B4GALNT2: variants seen among roughly 807,000 people sequenced by gnomAD.
The protein encoded by B4GALNT2 is beta-1,4-N-acetyl-galactosaminyltransferase 2 (SID blood group).
A neutral mutation model predicts 51.1 loss-of-function variants in B4GALNT2; 42 were observed. The ratio of observed to expected loss-of-function variants is 0.82; its 90% CI spans 0.64 to 1.06. The LOEUF (loss-of-function observed/expected upper bound fraction) is 1.06. Ranked by LOEUF, B4GALNT2 falls within the 50% of genes least tolerant of loss-of-function variation. B4GALNT2 has a pLI of 0.00. For missense variants in B4GALNT2, 602 were observed against 633.6 expected (o/e 0.95, Z 0.54); for synonymous variants, 253 against 251.7 (o/e 1.01, Z -0.05).
chr17:49,169,499 C>T, intron 10 of B4GALNT2, 24 bp from the exon 11 acceptor site: 1 of 1,603,268 alleles, frequency 6.2e-7, no homozygotes, highest in Non-Finnish European at 8.5e-7. Flanking sequence ...CTCCCACTTC[C>T]TTCTGCTCTC....
chr17:49,141,144 C>A (rs754876164), intron 1 of B4GALNT2, 103 bp from the exon 2 acceptor site: 197 of 1,096,536 alleles, frequency 1.8e-4, no homozygotes, highest in Non-Finnish European at 2.5e-4. Context: ...CCAATATAAG[C>A]TATGTGCTTA....
intron 9 of B4GALNT2, among the ~76,000 whole-genome samples, chr17:49,168,326 G>A (rs951694456): frequency 2.0e-5 from 3 of 152,120 alleles, no homozygotes; most frequent in Admixed American, 2.0e-4. Flanking sequence ...TCCGCAAATG[G>A]ACCAGTGCAC....
At chr17:49,138,263 C>A (rs2042608123) in intron 1 of B4GALNT2, among the ~76,000 whole-genome samples, 1 of 152,302 alleles carries the variant, frequency 6.6e-6, no homozygotes, top group African/African-American at 2.4e-5. Flanking sequence ...ATAGGCACAT[C>A]TTAAATGCTA....
chr17:49,133,284 C>T (rs1313960704), intron 1 of B4GALNT2: 31 of 1,430,746 alleles, frequency 2.2e-5, no homozygotes, highest in Non-Finnish European at 2.6e-5. Context: ...GCGGCTTGGT[C>T]TCCTCCACAG....
In B4GALNT2 at chr17:49,159,110, G is replaced by C. The variant is rs750940885; in HGVS notation, c.572G>C (p.Gly191Ala). 1 of 1,614,226 alleles carries C rather than the reference G, an allele frequency of 6.2e-7. No homozygotes were observed. The highest frequency in any genetic ancestry group is 8.5e-7 in the Non-Finnish European group (1 of 1,180,036). ...CCAGACAGTGTGGTGCAGGGCAGAG[G>C]CCAGAAGCAGCTGATCATTTCTACC... ...DVPDSVVQGR[G>A]QKQLIISTSD... Residue 191 changes from glycine (G) to alanine (A), a missense_variant, in exon 6 of 11, where the codon GGC (glycine) becomes GCC (alanine). Transcript: ENST00000393354.
At chr17:49,125,413 G>A in the B4GALNT2 span, among the ~76,000 whole-genome samples, 1 of 152,164 alleles carries the variant, frequency 6.6e-6, no homozygotes, top group African/African-American at 2.4e-5. Flanking sequence ...TCCCGACTTG[G>A]CCTCCCAAAG....
chr17:49,133,555 CAAAG>C (rs984726901), intron 1 of B4GALNT2, among the ~76,000 whole-genome samples: 11 of 152,144 alleles, frequency 7.2e-5, no homozygotes, highest in Non-Finnish European at 1.3e-4. Flanking sequence ...TAAACATTGA[CAAAG>C]AAGTCATCTC....
Position 49,173,760 on chromosome 17 carries a change from C to T in B4GALNT2, c.*4032C>T, listed in dbSNP as rs970658674. ...GTGAATTAGTATGTGGAAGAAAAAG[C>T]CGCTCTACAAGATCTTGCTCTTGAA... On this transcript the variant is annotated 3_prime_UTR_variant, in exon 11 of 11. Transcript: ENST00000393354. 5 of 152,160 alleles carry T rather than the reference C, an allele frequency of 3.3e-5. No individual in the cohort carries two copies. Among genetic ancestry groups the T allele is most frequent in the Non-Finnish European group, 7.4e-5 (5 of 68,026 alleles). 9.4% of individuals were successfully genotyped at this position (152,160 alleles called of 1,614,324 possible).
intron 1 of B4GALNT2, among the ~76,000 whole-genome samples, chr17:49,138,876 C>CAAACA (rs1043934455): frequency 4.6e-5 from 7 of 151,946 alleles, no homozygotes; most frequent in African/African-American, 1.7e-4. Flanking sequence ...GACTCTGTCT[C>CAAACA]AAACAAAACA....
chr17:49,140,225 C>T (rs1017402605), intron 1 of B4GALNT2, among the ~76,000 whole-genome samples: 10 of 151,782 alleles, frequency 6.6e-5, no homozygotes, highest in Non-Finnish European at 8.8e-5. Context: ...CTCAGCCTCC[C>T]GAGTAGCTGG....
intron 5 of B4GALNT2, among the ~76,000 whole-genome samples, chr17:49,157,607 C>T (rs1040966626): frequency 2.0e-5 from 3 of 152,032 alleles, no homozygotes; most frequent in Admixed American, 6.6e-5. Flanking sequence ...CATGAGCCAC[C>T]GTGTCTGGCC....
intron 1 of B4GALNT2, among the ~76,000 whole-genome samples, chr17:49,136,460 AT>A: frequency 6.6e-6 from 1 of 151,852 alleles, no homozygotes; most frequent in East Asian, 1.9e-4. Flanking sequence ...ATATTCAGTA[AT>A]TTGATTTTTT....
rs542604480 is a variant in B4GALNT2, at chr17:49,175,520, C to A, written c.*5792C>A. 2 of 152,368 alleles carry A rather than the reference C, an allele frequency of 1.3e-5. No homozygotes were observed. The highest frequency in any genetic ancestry group is 4.8e-5 in the African/African-American group (2 of 41,580). 9.4% of individuals were successfully genotyped at this position (152,368 alleles called of 1,614,324 possible). A position where few individuals can be genotyped will look rare whatever the true frequency, so the allele number is the denominator to read the frequency against. On this transcript the variant is annotated 3_prime_UTR_variant, in exon 11 of 11. Transcript: ENST00000393354. ...GTAATCCTATCATCCCCCCGGCAAG[C>A]ATCCACAGACCCCTATTGGAACTTT... is the stretch of plus-strand genomic sequence containing the variant.
chr17:49,168,184 C>T (rs2042927825), intron 9 of B4GALNT2, among the ~76,000 whole-genome samples: 1 of 152,164 alleles, frequency 6.6e-6, no homozygotes, highest in African/African-American at 2.4e-5. Flanking sequence ...TGCTCAGGCT[C>T]AAACATGAAA....
chr17:49,141,001 G>A (rs565458265), intron 1 of B4GALNT2, among the ~76,000 whole-genome samples: 205 of 151,734 alleles, frequency 1.4e-3, no homozygotes, highest in Non-Finnish European at 2.7e-3. Flanking sequence ...ACAGGTGTGA[G>A]CCACCGTGCC....
intron 5 of B4GALNT2, 84 bp downstream of exon 5, chr17:49,156,687 G>A (rs2042813980): frequency 1.4e-6 from 2 of 1,467,606 alleles, no homozygotes; most frequent in Non-Finnish European, 9.4e-7. Flanking sequence ...CTTTGACGGA[G>A]CCCCTGTCCA....
chr17:49,127,762 A>G (rs1051520915), upstream of B4GALNT2, among the ~76,000 whole-genome samples: 6 of 152,350 alleles, frequency 3.9e-5, no homozygotes, highest in East Asian at 1.2e-3. Flanking sequence ...AGATTTTGAG[A>G]AGCACTTATT....
chr17:49,168,039 C>T (rs2042926578), intron 9 of B4GALNT2, among the ~76,000 whole-genome samples: 1 of 152,082 alleles, frequency 6.6e-6, no homozygotes, highest in African/African-American at 2.4e-5. Flanking sequence ...TTGACTATGT[C>T]GTGAAACTCA....
At chr17:49,126,605 G>T in the B4GALNT2 span, among the ~76,000 whole-genome samples, 12 of 150,596 alleles carry the variant, frequency 8.0e-5, no homozygotes, top group African/African-American at 2.4e-4. Flanking sequence ...CATTCAGGAG[G>T]CCTAATCACT....
Sources: gnomAD v4.1 joint callset for allele counts (sites outside exome capture counted in the v4.1 genomes callset) on GRCh38, gnomAD v4.1.1 for gene constraint, MANE v1.5 for transcripts, NCBI Gene and HGNC (gene_info 2026-07-23, HGNC 2026-07-21) for gene names.